The following NBAS variants were observed in gnomAD, a reference collection of about 807,000 sequenced individuals.
NBAS encodes the protein NAG/BC035112 fusion.
NBAS carries 219 observed loss-of-function variants against 302.5 expected under a neutral mutation model. That is an observed-to-expected ratio of 0.72 (90% CI 0.65 to 0.81). NBAS has a LOEUF of 0.81. Among genes scored for constraint, NBAS ranks in the 30% least tolerant of loss-of-function variants. The pLI is 0.00. For synonymous variants in NBAS, 1,118 were observed against 1,021.6 expected (o/e 1.09, Z -1.80); for missense variants, 2,932 against 2,841.6 (o/e 1.03, Z -0.72).
At chr2:14,783,400 A>G in the NBAS span, among the ~76,000 whole-genome samples, 1 of 151,294 alleles carries the variant, frequency 6.6e-6, no homozygotes, top group Admixed American at 6.6e-5. Context: ...TACATGTGCC[A>G]TGCTGGTGTG....
chr2:15,266,323 G>A (rs761949854), intron 44 of NBAS, among the ~76,000 whole-genome samples: 2 of 152,084 alleles, frequency 1.3e-5, no homozygotes, highest in Admixed American at 6.6e-5. Flanking sequence ...TCCTAAGTAC[G>A]GCTACAATTA....
chr2:15,393,604 C>G (rs76896941), intron 28 of NBAS: 2 of 332,330 alleles, frequency 6.0e-6, no homozygotes. Flanking sequence ...AGGTATTTGT[C>G]TGAGAGAAAT....
At chr2:15,203,124 C>G (rs1665957473) in intron 48 of NBAS, among the ~76,000 whole-genome samples, 1 of 152,102 alleles carries the variant, frequency 6.6e-6, no homozygotes, top group East Asian at 1.9e-4. Context: ...TAACATATAA[C>G]ATAATATACC....
chr2:14,815,765 C>A, the NBAS span, among the ~76,000 whole-genome samples: 1 of 152,130 alleles, frequency 6.6e-6, no homozygotes, highest in Non-Finnish European at 1.5e-5. Context: ...CACCTCAAAC[C>A]AAACAAATCT....
the NBAS span, among the ~76,000 whole-genome samples, chr2:15,143,554 G>A: frequency 1.3e-5 from 2 of 151,976 alleles, no homozygotes; most frequent in East Asian, 1.9e-4. Context: ...CACGGGCTTC[G>A]TCCTGCCCTT....
At chr2:15,334,862 A>C (rs945989434) in intron 35 of NBAS, among the ~76,000 whole-genome samples, 6 of 152,232 alleles carry the variant, frequency 3.9e-5, no homozygotes, top group Non-Finnish European at 5.9e-5. Context: ...AAGAAACATA[A>C]CACCACCAGA....
chr2:15,183,259 T>C (rs1572409105), intron 50 of NBAS, among the ~76,000 whole-genome samples: 1 of 152,330 alleles, frequency 6.6e-6, no homozygotes, highest in African/African-American at 2.4e-5. Context: ...ACATACCATT[T>C]GCAAATAGCC....
At chr2:15,443,510 A>C (rs552283895) in intron 21 of NBAS, among the ~76,000 whole-genome samples, 1 of 151,718 alleles carries the variant, frequency 6.6e-6, no homozygotes, top group African/African-American at 2.4e-5. Flanking sequence ...TCTCAAAATA[A>C]TAAGAGCTAT....
At chr2:14,907,014 G>A in the NBAS span, among the ~76,000 whole-genome samples, 4 of 152,142 alleles carry the variant, frequency 2.6e-5, no homozygotes, top group African/African-American at 9.7e-5. Context: ...AGAGGCAGGT[G>A]TCCATGCCTG....
At chr2:14,929,178 G>A in the NBAS span, among the ~76,000 whole-genome samples, 3 of 152,142 alleles carry the variant, frequency 2.0e-5, no homozygotes, top group Non-Finnish European at 2.9e-5. Flanking sequence ...CAGCAGAACT[G>A]AGGATGTTTC....
Position 15,411,618 on chromosome 2 carries a change from T to C in NBAS, c.2937+3928A>G, listed in dbSNP as rs554873666. Among the ~76,000 whole-genome samples the C allele has an allele frequency of 2.6e-5, 4 of 152,308 alleles. No individual in the cohort carries two copies. In the South Asian group the frequency reaches 8.3e-4, roughly 32 times the overall value. ...CAAACTAAAATTGCTCACTGACATA[T>C]GTAATCAGAAGTGAAGAAAAAAGAT... On this transcript the variant is annotated intron_variant, in intron 25 of 51. Transcript: ENST00000281513.
At chr2:15,263,183 C>G (rs1009772648) in intron 44 of NBAS, among the ~76,000 whole-genome samples, 1 of 152,176 alleles carries the variant, frequency 6.6e-6, no homozygotes, top group Non-Finnish European at 1.5e-5. Context: ...CTCTGTTGCT[C>G]AGGCTGGCAT....
chr2:14,819,225 T>G, the NBAS span, among the ~76,000 whole-genome samples: 1 of 152,262 alleles, frequency 6.6e-6, no homozygotes, highest in South Asian at 2.1e-4. Flanking sequence ...GGAACATGTT[T>G]GTGAATGAAA....
At chr2:15,245,670 G>C (rs1225556476) in intron 44 of NBAS, among the ~76,000 whole-genome samples, 1 of 152,144 alleles carries the variant, frequency 6.6e-6, no homozygotes, top group Non-Finnish European at 1.5e-5. Context: ...CGGATGGATG[G>C]ATGGATGACA....
At chr2:15,543,115 T>C (rs746515285) in intron 6 of NBAS, among the ~76,000 whole-genome samples, 2 of 152,204 alleles carry the variant, frequency 1.3e-5, no homozygotes, top group Non-Finnish European at 2.9e-5. Flanking sequence ...GAAACACTGA[T>C]GGTAAAAGTT....
chr2:15,135,416 C>T, the NBAS span, among the ~76,000 whole-genome samples: 1 of 152,264 alleles, frequency 6.6e-6, no homozygotes, highest in African/African-American at 2.4e-5. Flanking sequence ...TGAGGTGGCT[C>T]ATTGGTGGCA....
chr2:14,798,594 A>G, the NBAS span, among the ~76,000 whole-genome samples: 1 of 152,144 alleles, frequency 6.6e-6, no homozygotes, highest in Non-Finnish European at 1.5e-5. Flanking sequence ...CCTTACAGAA[A>G]GAGTTATGAA....
chr2:15,535,712 G>A (rs1378765383), intron 8 of NBAS, among the ~76,000 whole-genome samples: 1 of 151,948 alleles, frequency 6.6e-6, no homozygotes, highest in Non-Finnish European at 1.5e-5. Flanking sequence ...ATTGTTCAGA[G>A]AATGACAAGA....
chr2:15,418,863 G>C (rs1677071609), intron 23 of NBAS, among the ~76,000 whole-genome samples: 1 of 152,176 alleles, frequency 6.6e-6, no homozygotes, highest in Admixed American at 6.5e-5. Flanking sequence ...GTCAAGCTAA[G>C]GAACACGCAG....
Sources: gnomAD v4.1 joint callset for allele counts (sites outside exome capture counted in the v4.1 genomes callset) on GRCh38, gnomAD v4.1.1 for gene constraint, MANE v1.5 for transcripts, NCBI Gene and HGNC (gene_info 2026-07-23, HGNC 2026-07-21) for gene names.